Variants in HSPA4 observed in about 807,000 individuals in gnomAD.
HSPA4 encodes the protein heat shock protein family A (Hsp70) member 4.
In HSPA4, 25 loss-of-function variants were observed where a neutral mutation model predicts 106.2. The observed-to-expected ratio is 0.24, with a 90% CI of 0.17 to 0.33. The LOEUF (loss-of-function observed/expected upper bound fraction) is 0.33. HSPA4 is among the 10% of genes least tolerant of loss of function. The pLI is 1.00. For synonymous variants in HSPA4, 332 were observed against 333.6 expected, an observed-to-expected ratio of 1.00 and a Z score of 0.05; for missense variants, 841 against 996.0, an observed-to-expected ratio of 0.84 and a Z score of 2.10.
chr5:133,089,734 A>AG, intron 11 of HSPA4, 39 bp downstream of exon 11: 1 of 1,467,372 alleles, frequency 6.8e-7, no homozygotes. Flanking sequence ...AAAAAAAAAA[A>AG]AAAGCACAGT....
At chr5:133,097,113 G>A in intron 14 of HSPA4, 48 bp from the exon 15 acceptor site, 1 of 1,486,484 alleles carries the variant, frequency 6.7e-7, no homozygotes, top group South Asian at 1.2e-5. Context: ...TATTTAAGAG[G>A]AAATTAGTTG....
At chr5:133,091,034 G>C (rs906080573) in intron 11 of HSPA4, 159 bp from the exon 12 acceptor site, 2 of 726,036 alleles carry the variant, frequency 2.8e-6, no homozygotes, top group Non-Finnish European at 5.0e-6. Context: ...GAAATCTGAT[G>C]ATTTAATAAG....
rs1352901978 is a variant in HSPA4 at position 133,104,254 on chromosome 5, C to T, written c.2341C>T (p.Pro781Ser). The T allele has an allele frequency of 6.2e-7, 1 of 1,613,642 alleles. No homozygotes were observed. The highest frequency in any genetic ancestry group is 8.5e-7 in the Non-Finnish European group (1 of 1,179,900). The change falls in exon 19 of 19, where the codon CCT becomes TCT. Residue 781 changes from proline to serine, a missense_variant. By Grantham distance (74) the Pro-to-Ser change is moderately conservative. Transcript: ENST00000304858. ...KIKELTSTCS[P>S]IISKPKPKVE... ...CCAGGAGCTGACAAGTACTTGTAGC[C>T]CTATAATTTCAAAGCCCAAACCCAA...
chr5:133,065,361 G>C (rs2126697092), intron 2 of HSPA4, among the ~76,000 whole-genome samples: 1 of 152,292 alleles, frequency 6.6e-6, no homozygotes, highest in South Asian at 2.1e-4. Flanking sequence ...AAGTAATCTA[G>C]AGACAACTTC....
In HSPA4 at chr5:133,089,542, T is replaced by C. The variant is rs1392361922; in HGVS notation, c.1245-20T>C. 1.9e-6 allele frequency: 3 copies of C among 1,610,598 alleles called. No individual in the cohort carries two copies. Among genetic ancestry groups the C allele is most frequent in the South Asian group, 1.1e-5 (1 of 90,934 alleles). ...TAGGAATATCCTGAATTTGTGTTTT[T>C]GTCTTTTTCCTCCATTCAGTGACTG... is the stretch of plus-strand genomic sequence containing the variant. On this transcript the variant is annotated intron_variant, in intron 10 of 18. Transcript: ENST00000304858.
At chr5:133,079,085 A>T (rs1765483478) in intron 7 of HSPA4, among the ~76,000 whole-genome samples, 1 of 152,156 alleles carries the variant, frequency 6.6e-6, no homozygotes, top group African/African-American at 2.4e-5. Flanking sequence ...ATGAAACCAG[A>T]TTATTTGACA....
chr5:133,052,030 C>T lies in HSPA4; in HGVS notation c.-221C>T, dbSNP rs2126688242. 1 of 537,478 alleles carries T rather than the reference C, an allele frequency of 1.9e-6. No homozygotes were observed. Among genetic ancestry groups the T allele is most frequent in the East Asian group, 3.4e-5 (1 of 29,762 alleles). 33.3% of individuals were successfully genotyped at this position (537,478 alleles called of 1,614,324 possible). Reference sequence around the variant, plus strand: ...GATCTTTCGAGATCTTCTCCGCCCCCGCTACCGGCGCCTCCTCTGCGGCCA... The same window carrying T: ...GATCTTTCGAGATCTTCTCCGCCCCTGCTACCGGCGCCTCCTCTGCGGCCA... On this transcript the variant is annotated 5_prime_UTR_variant, in exon 1 of 19. Coordinates refer to ENST00000304858, the MANE Select transcript of HSPA4 (RefSeq NM_002154.4).
At chr5:133,080,620 CT>C (rs1369712587) in intron 7 of HSPA4, among the ~76,000 whole-genome samples, 1 of 151,574 alleles carries the variant, frequency 6.6e-6, no homozygotes, top group Non-Finnish European at 1.5e-5. Flanking sequence ...GTGGTTTTCT[CT>C]TTTGGGAATT....
chr5:133,062,799 T>G (rs1350574377), intron 1 of HSPA4, among the ~76,000 whole-genome samples: 1 of 152,154 alleles, frequency 6.6e-6, no homozygotes, highest in Non-Finnish European at 1.5e-5. Context: ...GTGGCTGCCC[T>G]GGGAGATTGG....
chr5:133,075,738 C>T (rs1465649416), intron 6 of HSPA4, among the ~76,000 whole-genome samples: 2 of 151,518 alleles, frequency 1.3e-5, no homozygotes, highest in East Asian at 1.9e-4. Flanking sequence ...GCTGGGGTGG[C>T]GGGATTGCTT....
At position 133,089,104 on chromosome 5, in the gene HSPA4, A is replaced by G; in HGVS notation, c.1187A>G (p.Asp396Gly). ...AFKVREFSITDVVPYPISLRW... is the reference protein window; with the variant it reads ...AFKVREFSITGVVPYPISLRW... ...AAAGTCAGAGAATTTTCTATCACTG[A>G]TGTAGTACCATATCCAATATCTCTG... The change falls in exon 10 of 19, where the codon GAT becomes GGT. Residue 396 changes from aspartate (D) to glycine (G), a missense_variant. Coordinates refer to ENST00000304858, the MANE Select transcript of HSPA4 (RefSeq NM_002154.4). 6.2e-7 allele frequency: 1 copy of G among 1,605,768 alleles called. No homozygotes were observed. Among genetic ancestry groups the G allele is most frequent in the Non-Finnish European group, 8.5e-7 (1 of 1,175,712 alleles).
At chr5:133,086,516 G>A (rs1242937638) in intron 7 of HSPA4, among the ~76,000 whole-genome samples, 1 of 152,150 alleles carries the variant, frequency 6.6e-6, no homozygotes, top group African/African-American at 2.4e-5. Context: ...GTGAACATGT[G>A]TTTTCTGTTC....
chr5:133,060,600 G>A (rs899646962), intron 1 of HSPA4, among the ~76,000 whole-genome samples: 3 of 152,132 alleles, frequency 2.0e-5, no homozygotes, highest in African/African-American at 7.2e-5. Context: ...GACCTCAGAT[G>A]ATCTGCCCAC....
In HSPA4 at chr5:133,092,793, T is replaced by C. The variant is rs780930427; in HGVS notation, c.1650+4T>C. On this transcript the variant is annotated splice_donor_region_variant and intron_variant, in intron 13 of 18. Coordinates refer to ENST00000304858, the MANE Select transcript of HSPA4 (RefSeq NM_002154.4). ...GGCAGAGTCTGAAGAAATGGAGGTA[T>C]GCATTGGGTGGTGTTTTTTTTTTTT... 3 of 1,361,694 alleles carry C rather than the reference T, an allele frequency of 2.2e-6. No homozygotes were observed. Among genetic ancestry groups the C allele is most frequent in the African/African-American group, 1.5e-5 (1 of 65,928 alleles). 84.4% of individuals were successfully genotyped at this position (1,361,694 alleles called of 1,614,324 possible). A position where few individuals can be genotyped will look rare whatever the true frequency, so the allele number is the denominator to read the frequency against.
intron 4 of HSPA4, among the ~76,000 whole-genome samples, chr5:133,072,125 G>A (rs1765389368): frequency 6.6e-6 from 1 of 152,152 alleles, no homozygotes; most frequent in Non-Finnish European, 1.5e-5. Context: ...ATGTTTGGGT[G>A]GGGCCTCAAG....
At chr5:133,063,616 A>G (rs1426284340) in intron 1 of HSPA4, among the ~76,000 whole-genome samples, 2 of 151,350 alleles carry the variant, frequency 1.3e-5, no homozygotes, top group African/African-American at 4.9e-5. Context: ...TATTTTTAGT[A>G]GAGACGGGGT....
chr5:133,090,404 C>G (rs1015611484), intron 11 of HSPA4, among the ~76,000 whole-genome samples: 5 of 123,360 alleles, frequency 4.1e-5, no homozygotes, highest in African/African-American at 1.6e-4. Context: ...GCACTCCAGC[C>G]TAGGCGACAG....
At chr5:133,087,963 A>G (rs1299940717) in intron 8 of HSPA4, among the ~76,000 whole-genome samples, 1 of 152,166 alleles carries the variant, frequency 6.6e-6, no homozygotes, top group Non-Finnish European at 1.5e-5. Context: ...TATGCCTTGG[A>G]TTAGAACACT....
intron 1 of HSPA4, among the ~76,000 whole-genome samples, chr5:133,061,592 A>C (rs2126694832): frequency 6.6e-6 from 1 of 152,176 alleles, no homozygotes; most frequent in East Asian, 1.9e-4. Context: ...AATTAAACCA[A>C]GTCCAGTTTT....
Sources: allele counts gnomAD v4.1 joint callset (sites outside exome capture counted in the v4.1 genomes callset), GRCh38; gene constraint gnomAD v4.1.1; transcripts MANE v1.5; gene names NCBI Gene and HGNC (gene_info 2026-07-23, HGNC 2026-07-21).